The following PTPRT variants were observed in gnomAD, a reference collection of about 807,000 sequenced individuals.
PTPRT encodes receptor-type tyrosine-protein phosphatase T.
In PTPRT, 56 loss-of-function variants were observed where a neutral mutation model predicts 176.8. The observed-to-expected ratio is 0.32, with a 90% CI of 0.26 to 0.40. The LOEUF (loss-of-function observed/expected upper bound fraction) is 0.40, where lower values mean the gene tolerates loss of function less well. PTPRT is among the 10% of genes least tolerant of loss of function. PTPRT has a pLI of 1.00. For missense variants in PTPRT, 1,540 were observed against 1,908.2 expected, an observed-to-expected ratio of 0.81 and a Z score of 3.60; for synonymous variants, 783 against 739.0, an observed-to-expected ratio of 1.06 and a Z score of -0.96.
chr20:42,611,870 C>T (rs2073981516), intron 7 of PTPRT, among the ~76,000 whole-genome samples: 1 of 152,154 alleles, frequency 6.6e-6, no homozygotes. Flanking sequence ...GCTATTTCAC[C>T]CACCTCTTGG....
intron 6 of PTPRT, among the ~76,000 whole-genome samples, chr20:42,699,186 A>G (rs1214095394): frequency 6.6e-6 from 1 of 152,160 alleles, no homozygotes; most frequent in East Asian, 1.9e-4. Flanking sequence ...ACATATTTAC[A>G]CTGATCACAT....
intron 1 of PTPRT, among the ~76,000 whole-genome samples, chr20:42,959,422 G>A (rs1233594630): frequency 6.6e-6 from 1 of 152,188 alleles, no homozygotes; most frequent in Non-Finnish European, 1.5e-5. Context: ...AGATGTGACT[G>A]AACATAGCTT....
intron 2 of PTPRT, among the ~76,000 whole-genome samples, chr20:42,837,223 C>A (rs1264482843): frequency 6.6e-6 from 1 of 152,216 alleles, no homozygotes; most frequent in Non-Finnish European, 1.5e-5. Flanking sequence ...CCCACAGAGG[C>A]CCATCCGGAG....
intron 7 of PTPRT, among the ~76,000 whole-genome samples, chr20:42,485,888 T>C (rs991182784): frequency 2.6e-5 from 4 of 152,212 alleles, no homozygotes; most frequent in Non-Finnish European, 5.9e-5. Flanking sequence ...CCACTGTCAG[T>C]TGAGGGAGGC....
chr20:42,300,700 A>G (rs1417010724), intron 12 of PTPRT, among the ~76,000 whole-genome samples: 1 of 151,614 alleles, frequency 6.6e-6, no homozygotes, highest in East Asian at 1.9e-4. Context: ...CCACTAATAA[A>G]TGTGGAACAA....
At chr20:42,351,637 C>A (rs868531981) in intron 10 of PTPRT, among the ~76,000 whole-genome samples, 1 of 152,168 alleles carries the variant, frequency 6.6e-6, no homozygotes, top group Non-Finnish European at 1.5e-5. Context: ...GGGGGCCCTA[C>A]GGGTGATGGC....
At chr20:42,736,711 CG>C (rs796667579) in intron 6 of PTPRT, among the ~76,000 whole-genome samples, 9 of 152,208 alleles carry the variant, frequency 5.9e-5, no homozygotes, top group African/African-American at 2.2e-4. Context: ...GAGAGAGACA[CG>C]GGGTACAATT....
At chr20:42,604,614 A>T (rs992395471) in intron 7 of PTPRT, among the ~76,000 whole-genome samples, 6 of 151,894 alleles carry the variant, frequency 4.0e-5, no homozygotes, top group Admixed American at 3.9e-4. Flanking sequence ...TCATTTTCAT[A>T]TTCTTCTCAT....
Position 42,982,524 on chromosome 20 carries a change from C to T in PTPRT, c.89-96592G>A, listed in dbSNP as rs550689944. The stretch of plus-strand genomic sequence containing the variant: ...ATAAGATCTAAGCGTATAAAAAAAG[C>T]CAACCATTAGGAAAAAGAAAAATCT... On this transcript the variant is annotated intron_variant, in intron 1 of 30. Coordinates refer to ENST00000373187, the MANE Select transcript of PTPRT (RefSeq NM_007050.6). Among the ~76,000 whole-genome samples the T allele has an allele frequency of 1.1e-3, 166 of 152,254 alleles. 2 individuals carry two copies. Among genetic ancestry groups the T allele is most frequent in the African/African-American group, 3.7e-3 (154 of 41,552 alleles).
chr20:42,410,566 A>G (rs566889751), intron 9 of PTPRT, among the ~76,000 whole-genome samples: 1 of 152,156 alleles, frequency 6.6e-6, no homozygotes, highest in African/African-American at 2.4e-5. Flanking sequence ...CAAAACTTCA[A>G]CCACTTGACC....
intron 1 of PTPRT, among the ~76,000 whole-genome samples, chr20:43,002,763 A>G (rs1340311049): frequency 6.6e-6 from 1 of 152,102 alleles, no homozygotes; most frequent in Admixed American, 6.5e-5. Context: ...TACTTTAATA[A>G]CTGAGCAAGA....
chr20:42,314,024 C>T (rs967496967), intron 12 of PTPRT, among the ~76,000 whole-genome samples: 4 of 152,104 alleles, frequency 2.6e-5, no homozygotes. Context: ...CAGAGCCTGC[C>T]CAGGCTGTTC....
chr20:42,719,835 C>A (rs571420591), intron 6 of PTPRT, among the ~76,000 whole-genome samples: 1 of 152,078 alleles, frequency 6.6e-6, no homozygotes, highest in Non-Finnish European at 1.5e-5. Context: ...GCCCCACGTC[C>A]CCAGGTAGAT....
At chr20:42,223,786 T>C (rs2055940886) in intron 15 of PTPRT, among the ~76,000 whole-genome samples, 1 of 152,230 alleles carries the variant, frequency 6.6e-6, no homozygotes, top group South Asian at 2.1e-4. Flanking sequence ...TCAAAATTGG[T>C]ATGGGGAAGG....
At chr20:42,981,253 A>G (rs888383000) in intron 1 of PTPRT, among the ~76,000 whole-genome samples, 3 of 152,228 alleles carry the variant, frequency 2.0e-5, no homozygotes, top group Admixed American at 2.0e-4. Context: ...CAGGGTCCCT[A>G]TCCATGAAAA....
At chr20:42,184,254 C>T (rs1302517890) in intron 16 of PTPRT, among the ~76,000 whole-genome samples, 2 of 152,324 alleles carry the variant, frequency 1.3e-5, no homozygotes, top group East Asian at 3.9e-4. Context: ...TTGTTTTACA[C>T]TGTTAAGTTG....
chr20:42,057,136 A>C, the PTPRT span, among the ~76,000 whole-genome samples: 1 of 152,154 alleles, frequency 6.6e-6, no homozygotes, highest in Non-Finnish European at 1.5e-5. Flanking sequence ...CCCATCCATG[A>C]AGGTTTTGTT....
intron 8 of PTPRT, among the ~76,000 whole-genome samples, chr20:42,452,945 GC>G (rs2070857298): frequency 6.6e-6 from 1 of 152,030 alleles, no homozygotes; most frequent in African/African-American, 2.4e-5. Context: ...GTCAAAACTT[GC>G]CCCAGTGATT....
At position 42,106,636 on chromosome 20, in the gene PTPRT, AGTAAGCCAC is replaced by A. The variant is rs112006802; in HGVS notation, c.3390+141_3390+149del. 808 of 1,061,248 alleles carry A rather than the reference AGTAAGCCAC, an allele frequency of 7.6e-4. 7 individuals carry two copies. In the African/African-American group the frequency reaches 0.011, roughly 14 times the overall value. 65.7% of individuals were successfully genotyped at this position (1,061,248 alleles called of 1,614,324 possible). The stretch of plus-strand genomic sequence containing the variant: ...CTAGCTTCTACAGTAGTCTCACCAT[AGTAAGCCAC>A]GTGTCTACTCCCTCCTGCTTCTCTC... On this transcript the variant is annotated intron_variant, in intron 24 of 30. Transcript: ENST00000373187.
Sources: allele counts gnomAD v4.1 joint callset (sites outside exome capture counted in the v4.1 genomes callset), GRCh38; gene constraint gnomAD v4.1.1; transcripts MANE v1.5; gene names NCBI Gene and HGNC (gene_info 2026-07-23, HGNC 2026-07-21).